The following MACROD2 variants were observed in gnomAD, a reference collection of about 807,000 sequenced individuals.
MACROD2 encodes the protein mono-ADP ribosylhydrolase 2.
In MACROD2, 36 loss-of-function variants were observed where a neutral mutation model predicts 70.4. That is an observed-to-expected ratio of 0.51 (90% CI 0.39 to 0.68). The LOEUF (loss-of-function observed/expected upper bound fraction) is 0.68, where lower values mean the gene tolerates loss of function less well. Among genes scored for constraint, MACROD2 ranks in the 30% least tolerant of loss-of-function variants. MACROD2 has a pLI of 0.00. For synonymous variants in MACROD2, 172 were observed against 178.8 expected, an observed-to-expected ratio of 0.96 and a Z score of 0.30; for missense variants, 496 against 538.4, an observed-to-expected ratio of 0.92 and a Z score of 0.78.
intron 3 of MACROD2, among the ~76,000 whole-genome samples, chr20:14,330,717 A>G (rs1227648277): frequency 6.6e-6 from 1 of 152,138 alleles, no homozygotes; most frequent in Admixed American, 6.6e-5. Flanking sequence ...AAGTGCCCAC[A>G]GAGGAAAGTT....
chr20:14,128,152 A>G (rs2054675045), intron 3 of MACROD2: 6 of 461,994 alleles, frequency 1.3e-5, no homozygotes, highest in African/African-American at 1.0e-4. Flanking sequence ...AATGGAGACA[A>G]TTACTTTTGA....
At chr20:15,789,497 A>T (rs2063605762) in intron 8 of MACROD2, among the ~76,000 whole-genome samples, 1 of 152,184 alleles carries the variant, frequency 6.6e-6, no homozygotes, top group Non-Finnish European at 1.5e-5. Context: ...TAAATAATTC[A>T]AAGAATGTAA....
At chr20:14,659,464 A>G (rs956417884) in intron 4 of MACROD2, among the ~76,000 whole-genome samples, 1 of 152,146 alleles carries the variant, frequency 6.6e-6, no homozygotes, top group Non-Finnish European at 1.5e-5. Context: ...TCACTCAGCA[A>G]CCACCAGACA....
chr20:14,115,911 A>G (rs928860926), intron 3 of MACROD2, among the ~76,000 whole-genome samples: 3 of 152,220 alleles, frequency 2.0e-5, no homozygotes, highest in African/African-American at 7.2e-5. Context: ...GCATTCAAAC[A>G]TTATCATTCA....
intron 4 of MACROD2, among the ~76,000 whole-genome samples, chr20:14,630,922 C>A (rs1313843509): frequency 7.0e-6 from 1 of 143,314 alleles, no homozygotes; most frequent in Non-Finnish European, 1.5e-5. Flanking sequence ...TTACATTTTG[C>A]CACTCAACAA....
intron 12 of MACROD2, among the ~76,000 whole-genome samples, chr20:15,951,303 C>G (rs1192781528): frequency 1.2e-5 from 1 of 86,738 alleles, no homozygotes; most frequent in African/African-American, 3.8e-5. Context: ...ATATATTTAT[C>G]TAGACACACA....
chr20:15,348,598 T>A (rs540679272), intron 6 of MACROD2, among the ~76,000 whole-genome samples: 2 of 152,272 alleles, frequency 1.3e-5, no homozygotes, highest in Non-Finnish European at 2.9e-5. Context: ...TGACTCACAG[T>A]TCCACATGGC....
chr20:15,801,625 G>A (rs1311311335), intron 8 of MACROD2, among the ~76,000 whole-genome samples: 1 of 152,116 alleles, frequency 6.6e-6, no homozygotes, highest in East Asian at 1.9e-4. Context: ...ATTTTGAAGT[G>A]AGATTGTATG....
intron 5 of MACROD2, among the ~76,000 whole-genome samples, chr20:14,722,460 T>C (rs2071481010): frequency 6.6e-6 from 1 of 152,204 alleles, no homozygotes. Context: ...GAACACGTTT[T>C]TCTTTCCCCC....
chr20:14,519,455 C>T (rs2085140434), intron 4 of MACROD2, among the ~76,000 whole-genome samples: 1 of 151,892 alleles, frequency 6.6e-6, no homozygotes, highest in Admixed American at 6.6e-5. Flanking sequence ...AGCCAAAAAG[C>T]ATATGAAAAA....
intron 6 of MACROD2, among the ~76,000 whole-genome samples, chr20:15,381,197 G>A (rs1031520687): frequency 5.9e-5 from 9 of 151,954 alleles, no homozygotes; most frequent in Middle Eastern, 3.4e-3. Flanking sequence ...CTTCATACAT[G>A]TGTGTATCCA....
chr20:14,178,909 G>A (rs903502894), intron 3 of MACROD2, among the ~76,000 whole-genome samples: 12 of 151,952 alleles, frequency 7.9e-5, no homozygotes, highest in African/African-American at 2.7e-4. Context: ...AACTCCAAGA[G>A]TATAAGAGCA....
intron 1 of MACROD2, among the ~76,000 whole-genome samples, 153 bp from the exon 2 acceptor site, chr20:14,002,135 A>G (rs2052740206): frequency 6.6e-6 from 1 of 152,134 alleles, no homozygotes; most frequent in Non-Finnish European, 1.5e-5. Context: ...ACATTTTTTA[A>G]CATTTAAATA....
At chr20:14,531,977 C>T (rs73901270) in intron 4 of MACROD2, among the ~76,000 whole-genome samples, 10,345 of 152,238 alleles carry the variant, frequency 0.068, 1,178 homozygotes, top group African/African-American at 0.23. Flanking sequence ...CAGCACTCGA[C>T]GTTCACTGTG....
At chr20:14,612,521 G>T (rs905962850) in intron 4 of MACROD2, among the ~76,000 whole-genome samples, 1 of 152,040 alleles carries the variant, frequency 6.6e-6, no homozygotes, top group African/African-American at 2.4e-5. Context: ...CAGGGACAGG[G>T]TGGGGGTGTG....
intron 5 of MACROD2, among the ~76,000 whole-genome samples, chr20:14,977,663 G>C (rs1314112995): frequency 2.0e-5 from 3 of 152,078 alleles, no homozygotes; most frequent in African/African-American, 7.2e-5. Context: ...CGTTGTACAA[G>C]TGTGTGCCTG....
chr20:15,089,997 C>T (rs554104269), intron 5 of MACROD2, among the ~76,000 whole-genome samples: 8 of 151,980 alleles, frequency 5.3e-5, no homozygotes, highest in South Asian at 2.1e-4. Context: ...GATAGGGCTA[C>T]GTAGGATCAG....
chr20:15,421,233 C>A (rs1244108107), intron 6 of MACROD2, among the ~76,000 whole-genome samples: 1 of 151,982 alleles, frequency 6.6e-6, no homozygotes. Flanking sequence ...CAAAAATTAA[C>A]CAGGTGTGGT....
chr20:14,869,249 A>T (rs547225375), intron 5 of MACROD2, among the ~76,000 whole-genome samples: 1 of 152,322 alleles, frequency 6.6e-6, no homozygotes, highest in East Asian at 1.9e-4. Flanking sequence ...TTTGAATGGC[A>T]GTAACAAAAG....
Sources: gnomAD v4.1 joint callset for allele counts (sites outside exome capture counted in the v4.1 genomes callset) on GRCh38, gnomAD v4.1.1 for gene constraint, MANE v1.5 for transcripts, NCBI Gene and HGNC (gene_info 2026-07-23, HGNC 2026-07-21) for gene names.